Variants in MRPL45 observed in about 807,000 individuals in gnomAD.
The protein encoded by MRPL45 is mitochondrial ribosomal protein L45, also known as large ribosomal subunit protein mL45.
In MRPL45, 20 loss-of-function variants were observed where a neutral mutation model predicts 38.1. The observed-to-expected ratio is 0.53, with a 90% CI of 0.37 to 0.76. The LOEUF is 0.76. Among genes scored for constraint, MRPL45 ranks in the 30% least tolerant of loss-of-function variants. The probability of loss-of-function intolerance (pLI) is 0.00; values close to 1 mark genes in which losing one functional copy is unlikely to be tolerated. For synonymous variants in MRPL45, 105 were observed against 128.8 expected, an observed-to-expected ratio of 0.82 and a Z score of 1.25; for missense variants, 337 against 395.6, an observed-to-expected ratio of 0.85 and a Z score of 1.26.
At chr17:38,318,605 TCCATTTTCAGGA>T (rs2037197663) in intron 4 of MRPL45, 70 bp from the exon 5 acceptor site, 1 of 1,016,788 alleles carries the variant, frequency 9.8e-7, no homozygotes, top group South Asian at 1.3e-5. Flanking sequence ...TGAATTGTTT[TCCATTTTCAGGA>T]CCATTTTCAG....
chr17:38,316,858 C>T (rs891499831), intron 4 of MRPL45, among the ~76,000 whole-genome samples: 4 of 150,484 alleles, frequency 2.7e-5, no homozygotes, highest in Admixed American at 6.7e-5. Flanking sequence ...AGTGCAGTGG[C>T]GCGATCTTGG....
chr17:38,298,508 A>G lies in MRPL45; in HGVS notation c.126A>G (p.Thr42=). The G allele has an allele frequency of 6.2e-7, 1 of 1,613,990 alleles. No homozygotes were observed. The highest frequency in any genetic ancestry group is 8.5e-7 in the Non-Finnish European group (1 of 1,179,876). ...CAGTAAGAACTAAAAAACGTTTCAC[A>G]CCTCCTATTTATCAACCTAAATTTA... ...IVPVRTKKRF[T]PPIYQPKFKT... The change falls in exon 2 of 8, where the codon ACA becomes ACG. Residue 42 remains threonine, a synonymous_variant. Coordinates refer to ENST00000613675, the MANE Select transcript of MRPL45 (RefSeq NM_032351.6).
intron 4 of MRPL45, among the ~76,000 whole-genome samples, chr17:38,309,246 G>A (rs1238028411): frequency 6.6e-6 from 1 of 151,206 alleles, no homozygotes; most frequent in African/African-American, 2.4e-5. Flanking sequence ...GCTGGGTGTG[G>A]TGGCTCTCGC....
chr17:38,317,543 G>T (rs1035857725), intron 4 of MRPL45, among the ~76,000 whole-genome samples: 1 of 151,944 alleles, frequency 6.6e-6, no homozygotes, highest in Non-Finnish European at 1.5e-5. Flanking sequence ...AGGAGCTAGG[G>T]TTTGTTGTCT....
In MRPL45 at chr17:38,318,787, A is replaced by G. The variant is rs756663437; in HGVS notation, c.510+52A>G. The G allele has an allele frequency of 3.3e-6, 4 of 1,218,162 alleles. No individual in the cohort carries two copies. The South Asian group carries it at 3.8e-5, about 12-fold the overall frequency. The allele number at this position is 1,218,162 out of a possible 1,614,324, so 75.5% of individuals were successfully genotyped here. On this transcript the variant is annotated intron_variant, in intron 5 of 7. Transcript: ENST00000613675. ...TGGGGTGACTGAGTGGGCAGATTCTAGATGGCGTCTCTGGTTTTTCTTTTC... is the reference window on the plus strand; with the variant it reads ...TGGGGTGACTGAGTGGGCAGATTCTGGATGGCGTCTCTGGTTTTTCTTTTC...
At chr17:38,313,319 T>A (rs867578726) in intron 4 of MRPL45, among the ~76,000 whole-genome samples, 7,196 of 28,290 alleles carry the variant, frequency 0.25, 1,989 homozygotes, top group Middle Eastern at 0.31. Context: ...AAAATATATA[T>A]ATATATATAT....
intron 3 of MRPL45, among the ~76,000 whole-genome samples, chr17:38,305,648 C>CT (rs769373843): frequency 0.93 from 127,360 of 136,250 alleles, 59,594 homozygotes; most frequent in East Asian, 0.99. Flanking sequence ...CCATGCCCAG[C>CT]TTTTTTTTTT....
At chr17:38,318,997 TTTTA>T (rs575783313) in intron 5 of MRPL45, among the ~76,000 whole-genome samples, 35,444 of 127,016 alleles carry the variant, frequency 0.28, 4,982 homozygotes, top group African/African-American at 0.34. Context: ...CCAGCTAATT[TTTTA>T]TTTATTTATT....
intron 4 of MRPL45, among the ~76,000 whole-genome samples, chr17:38,317,364 T>G (rs2037184206): frequency 6.6e-6 from 1 of 152,136 alleles, no homozygotes; most frequent in Admixed American, 6.6e-5. Flanking sequence ...ATGTTAGAAC[T>G]AATCCCTTAC....
At chr17:38,314,891 G>A (rs559669494) in intron 4 of MRPL45, among the ~76,000 whole-genome samples, 1 of 152,324 alleles carries the variant, frequency 6.6e-6, no homozygotes, top group Non-Finnish European at 1.5e-5. Context: ...GTTCAACCTA[G>A]TTTGAATAAT....
intron 3 of MRPL45, among the ~76,000 whole-genome samples, chr17:38,301,839 C>T (rs575878691): frequency 9.9e-5 from 15 of 152,120 alleles, no homozygotes; most frequent in South Asian, 6.2e-4. Context: ...AGATAATGGC[C>T]GGGCGAGGTG....
chr17:38,301,482 C>T (rs1203601146), intron 3 of MRPL45, among the ~76,000 whole-genome samples: 2 of 152,190 alleles, frequency 1.3e-5, no homozygotes, highest in East Asian at 3.9e-4. Context: ...TCAGGTGATC[C>T]GCCAGACTCA....
chr17:38,306,636 G>A lies in MRPL45; in HGVS notation c.461+5G>A, dbSNP rs2037058292. On this transcript the variant is annotated splice_donor_5th_base_variant and intron_variant, in intron 4 of 7. Coordinates refer to ENST00000613675, the MANE Select transcript of MRPL45 (RefSeq NM_032351.6). The stretch of plus-strand genomic sequence containing the variant: ...AGCTCACCTTTGTCTAAATAAGTAA[G>A]TGAACTCCCTATCTTTACCCATTCT... 1.9e-6 allele frequency: 3 copies of A among 1,613,464 alleles called. No individual in the cohort carries two copies. Among genetic ancestry groups the A allele is most frequent in the Non-Finnish European group, 2.5e-6 (3 of 1,179,800 alleles).
intron 4 of MRPL45, among the ~76,000 whole-genome samples, chr17:38,315,182 T>C (rs888598286): frequency 1.3e-5 from 2 of 152,246 alleles, no homozygotes; most frequent in African/African-American, 4.8e-5. Context: ...TTTGTTTTTT[T>C]CTTGTGGTTT....
intron 4 of MRPL45, among the ~76,000 whole-genome samples, chr17:38,312,149 C>T (rs1044349469): frequency 6.6e-5 from 10 of 151,078 alleles, no homozygotes; most frequent in African/African-American, 2.2e-4. Context: ...TGGGTTCAAG[C>T]GATTCTCCAG....
intron 6 of MRPL45, 31 bp downstream of exon 6, chr17:38,320,798 T>A (rs201617834): frequency 6.2e-7 from 1 of 1,609,210 alleles, no homozygotes; most frequent in Admixed American, 1.7e-5. Context: ...TCCTCCCAGC[T>A]TTTTTTCACT....
At chr17:38,301,516 C>T (rs1373647110) in intron 3 of MRPL45, among the ~76,000 whole-genome samples, 1 of 152,168 alleles carries the variant, frequency 6.6e-6, no homozygotes, top group Admixed American at 6.6e-5. Context: ...GCTGGGATTA[C>T]AGGCGTGAGC....
chr17:38,307,275 A>G (rs2037064567), intron 4 of MRPL45, among the ~76,000 whole-genome samples: 1 of 150,818 alleles, frequency 6.6e-6, no homozygotes, highest in Non-Finnish European at 1.5e-5. Flanking sequence ...ACCTCAGGCA[A>G]CCTGCCCGCC....
intron 3 of MRPL45, among the ~76,000 whole-genome samples, chr17:38,305,422 G>C (rs1005463688): frequency 3.4e-5 from 5 of 145,180 alleles, no homozygotes; most frequent in African/African-American, 1.3e-4. Flanking sequence ...AGCCGAGATT[G>C]CGCCACTGTA....
Sources: allele counts gnomAD v4.1 joint callset (sites outside exome capture counted in the v4.1 genomes callset), GRCh38; gene constraint gnomAD v4.1.1; transcripts MANE v1.5; gene names NCBI Gene and HGNC (gene_info 2026-07-23, HGNC 2026-07-21).